Variants in ARK2C observed in about 807,000 individuals in gnomAD.
ARK2C encodes the protein E3 ubiquitin-protein ligase ARK2C.
the ARK2C span, among the ~76,000 whole-genome samples, chr18:46,343,592 G>C: frequency 6.6e-6 from 1 of 152,218 alleles, no homozygotes; most frequent in Non-Finnish European, 1.5e-5. Context: ...CTACCCGTGT[G>C]AGGTCTTGGC....
chr18:46,440,308 A>G, the ARK2C span, among the ~76,000 whole-genome samples: 1 of 152,176 alleles, frequency 6.6e-6, no homozygotes, highest in Non-Finnish European at 1.5e-5. Context: ...CCATATTCAC[A>G]TAACATTTTT....
At chr18:46,390,707 C>T in the ARK2C span, among the ~76,000 whole-genome samples, 2 of 152,144 alleles carry the variant, frequency 1.3e-5, no homozygotes, top group Admixed American at 6.5e-5. Context: ...TAAGGAGATA[C>T]AAAGGAAATG....
chr18:46,440,887 G>T, the ARK2C span, among the ~76,000 whole-genome samples: 1 of 151,262 alleles, frequency 6.6e-6, no homozygotes, highest in Non-Finnish European at 1.5e-5. Context: ...AAATGCCTTT[G>T]TCTGATTTTT....
At chr18:46,348,014 T>C in the ARK2C span, among the ~76,000 whole-genome samples, 1 of 152,142 alleles carries the variant, frequency 6.6e-6, no homozygotes, top group African/African-American at 2.4e-5. Context: ...CCAGGCACCC[T>C]CCTAAGCACT....
the ARK2C span, among the ~76,000 whole-genome samples, chr18:46,341,423 G>A: frequency 6.6e-6 from 1 of 152,056 alleles, no homozygotes; most frequent in Non-Finnish European, 1.5e-5. Flanking sequence ...GGAAGGGGCT[G>A]AGGGGCAGGA....
chr18:46,371,932 T>G, the ARK2C span, among the ~76,000 whole-genome samples: 1 of 152,196 alleles, frequency 6.6e-6, no homozygotes, highest in Admixed American at 6.5e-5. Flanking sequence ...TCCATTCAAC[T>G]AACAGCTGTT....
the ARK2C span, among the ~76,000 whole-genome samples, chr18:46,408,153 C>T: frequency 2.0e-5 from 3 of 152,084 alleles, no homozygotes; most frequent in Admixed American, 6.5e-5. Flanking sequence ...AATGACCCCT[C>T]GGTTGAGGAG....
chr18:46,366,136 T>C, the ARK2C span, among the ~76,000 whole-genome samples: 1 of 151,212 alleles, frequency 6.6e-6, no homozygotes, highest in African/African-American at 2.4e-5. Context: ...CTACTAAAAA[T>C]ACAAAATTAG....
chr18:46,439,317 A>G, the ARK2C span, among the ~76,000 whole-genome samples: 1 of 152,236 alleles, frequency 6.6e-6, no homozygotes, highest in Non-Finnish European at 1.5e-5. Flanking sequence ...ATCCAGGCTC[A>G]GTAGCAGCAG....
the ARK2C span, chr18:46,433,512 G>T: frequency 6.3e-7 from 1 of 1,588,344 alleles, no homozygotes; most frequent in South Asian, 1.1e-5. Flanking sequence ...CCAGGTTGGT[G>T]CTGCCTGGGG....
chr18:46,378,280 G>A, the ARK2C span, among the ~76,000 whole-genome samples: 6 of 152,182 alleles, frequency 3.9e-5, no homozygotes, highest in Admixed American at 1.3e-4. Flanking sequence ...TACACACACC[G>A]TAGTTTCTCC....
the ARK2C span, among the ~76,000 whole-genome samples, chr18:46,381,190 T>A: frequency 1.3e-5 from 2 of 152,364 alleles, no homozygotes; most frequent in East Asian, 3.9e-4. Context: ...CAGCCAGGCA[T>A]TGGGATAAGG....
At chr18:46,363,009 A>G in the ARK2C span, among the ~76,000 whole-genome samples, 2 of 152,162 alleles carry the variant, frequency 1.3e-5, no homozygotes, top group African/African-American at 4.8e-5. Context: ...TAGAGTTAAA[A>G]CCAGACCAAC....
the ARK2C span, among the ~76,000 whole-genome samples, chr18:46,338,792 T>C: frequency 2.6e-5 from 4 of 152,278 alleles, 1 homozygote; most frequent in South Asian, 4.2e-4. Flanking sequence ...AAATTCCTGG[T>C]TCTTTCAAAG....
chr18:46,378,409 T>A, the ARK2C span, among the ~76,000 whole-genome samples: 1 of 152,276 alleles, frequency 6.6e-6, no homozygotes, highest in East Asian at 1.9e-4. Context: ...CTGGGGCATG[T>A]CCTCCAGCAC....
At chr18:46,350,499 T>A in the ARK2C span, among the ~76,000 whole-genome samples, 1 of 151,706 alleles carries the variant, frequency 6.6e-6, no homozygotes, top group South Asian at 2.1e-4. Context: ...ACACGAGGGG[T>A]GTCAAGAGGG....
the ARK2C span, among the ~76,000 whole-genome samples, chr18:46,447,017 T>C: frequency 2.0e-5 from 3 of 152,210 alleles, no homozygotes; most frequent in Non-Finnish European, 4.4e-5. Context: ...AAATTAGCCA[T>C]TGGTTCATCC....
the ARK2C span, among the ~76,000 whole-genome samples, chr18:46,392,269 G>A: frequency 2.0e-5 from 3 of 152,082 alleles, no homozygotes; most frequent in African/African-American, 4.8e-5. Flanking sequence ...CCTTAGATCC[G>A]CCTCTTGCCC....
chr18:46,355,994 C>T, the ARK2C span, among the ~76,000 whole-genome samples: 3 of 152,286 alleles, frequency 2.0e-5, no homozygotes, highest in South Asian at 6.2e-4. Context: ...CCAAGCCACC[C>T]GTCTGGTCCT....
Sources: allele counts gnomAD v4.1 joint callset (sites outside exome capture counted in the v4.1 genomes callset), GRCh38; gene constraint gnomAD v4.1.1; transcripts MANE v1.5; gene names NCBI Gene and HGNC (gene_info 2026-07-23, HGNC 2026-07-21).